The following HDAC9 variants were observed in gnomAD, a reference collection of about 807,000 sequenced individuals.
HDAC9 encodes histone deacetylase 9.
HDAC9 carries 41 observed loss-of-function variants against 139.4 expected under a neutral mutation model. The ratio of observed to expected loss-of-function variants is 0.29; its 90% CI spans 0.23 to 0.38. HDAC9 has a LOEUF of 0.38. Among genes scored for constraint, HDAC9 ranks in the 10% least tolerant of loss-of-function variants. The pLI is 1.00. For synonymous variants in HDAC9, 517 were observed against 476.2 expected (o/e 1.09, Z -1.12); for missense variants, 1,147 against 1,297.0 (o/e 0.88, Z 1.78).
At chr7:18,915,666 C>T (rs939228136) in intron 22 of HDAC9, among the ~76,000 whole-genome samples, 10 of 149,472 alleles carry the variant, frequency 6.7e-5, no homozygotes, top group East Asian at 5.9e-4. Context: ...AAAAAGCAGT[C>T]GGAACTTCAA....
intron 24 of HDAC9, among the ~76,000 whole-genome samples, chr7:18,974,674 T>C (rs190911336): frequency 6.6e-6 from 1 of 152,210 alleles, no homozygotes; most frequent in Non-Finnish European, 1.5e-5. Context: ...TGGGGAGACT[T>C]AGTATCCTCT....
intron 1 of HDAC9, among the ~76,000 whole-genome samples, chr7:18,117,747 C>T (rs1381685816): frequency 1.3e-5 from 2 of 152,080 alleles, no homozygotes; most frequent in African/African-American, 2.4e-5. Flanking sequence ...AGACTTCTGG[C>T]CTTGAGAACT....
In HDAC9 at chr7:18,635,360, C is replaced by A. The variant is rs188280038; in HGVS notation, c.912+618C>A. On this transcript the variant is annotated intron_variant, in intron 8 of 25. Coordinates refer to ENST00000686413, the MANE Select transcript of HDAC9 (RefSeq NM_178425.4). ...TTTTGAGCACCTGCTATATTCAAGTCATTTTGCCTCACAGTAGGGATATAA... is the reference window on the plus strand; with the variant it reads ...TTTTGAGCACCTGCTATATTCAAGTAATTTTGCCTCACAGTAGGGATATAA... Among the ~76,000 whole-genome samples, 214 of 152,074 alleles carry A rather than the reference C, an allele frequency of 1.4e-3. 1 individual carries two copies. Among genetic ancestry groups the A allele is most frequent in the Non-Finnish European group, 2.1e-3 (144 of 67,976 alleles).
intron 2 of HDAC9, among the ~76,000 whole-genome samples, chr7:18,502,094 T>C (rs1770262400): frequency 6.6e-6 from 1 of 152,124 alleles, no homozygotes; most frequent in African/African-American, 2.4e-5. Flanking sequence ...TTGTAGCAGT[T>C]CCAAGCATTA....
At chr7:18,330,688 A>G (rs575488553) in intron 1 of HDAC9, among the ~76,000 whole-genome samples, 56 of 151,752 alleles carry the variant, frequency 3.7e-4, no homozygotes, top group Admixed American at 3.0e-3. Context: ...CTTATAACAC[A>G]TGCCAAAATT....
At chr7:18,368,837 G>A (rs574673387) in intron 1 of HDAC9, among the ~76,000 whole-genome samples, 149 of 152,134 alleles carry the variant, frequency 9.8e-4, no homozygotes, top group African/African-American at 3.1e-3. Flanking sequence ...CCCTGAGAAG[G>A]AACAGGGGTT....
At chr7:18,955,615 T>G (rs562643982) in intron 24 of HDAC9, among the ~76,000 whole-genome samples, 22 of 152,226 alleles carry the variant, frequency 1.4e-4, no homozygotes, top group African/African-American at 4.6e-4. Flanking sequence ...ACAGAGGTTA[T>G]GAAGAGGAAT....
intron 22 of HDAC9, among the ~76,000 whole-genome samples, chr7:18,934,199 A>G (rs1056468813): frequency 3.9e-5 from 6 of 152,084 alleles, no homozygotes; most frequent in African/African-American, 7.2e-5. Context: ...TAAAAATTCA[A>G]TCAATACTAA....
At chr7:18,293,780 C>T (rs1176240455) in intron 1 of HDAC9, among the ~76,000 whole-genome samples, 2 of 152,008 alleles carry the variant, frequency 1.3e-5, no homozygotes, top group African/African-American at 4.8e-5. Flanking sequence ...GTTGGTCACC[C>T]ACGGGATTAC....
chr7:18,608,567 G>T (rs1261850784), intron 6 of HDAC9, among the ~76,000 whole-genome samples: 1 of 151,814 alleles, frequency 6.6e-6, no homozygotes, highest in African/African-American at 2.4e-5. Context: ...TCCCTTATCT[G>T]TATTCTCATA....
At chr7:18,176,706 C>CACAGG (rs1788934951) in intron 2 of HDAC9, among the ~76,000 whole-genome samples, 1 of 152,078 alleles carries the variant, frequency 6.6e-6, no homozygotes, top group Non-Finnish European at 1.5e-5. Context: ...TACAGGTAAA[C>CACAGG]TGTGTGTCAC....
intron 2 of HDAC9, among the ~76,000 whole-genome samples, chr7:18,231,276 G>T (rs1368491846): frequency 2.0e-5 from 3 of 152,180 alleles, no homozygotes; most frequent in Non-Finnish European, 2.9e-5. Context: ...TTTAAGCAGG[G>T]CTGCCATGTT....
At chr7:18,521,329 G>T (rs981871493) in intron 2 of HDAC9, among the ~76,000 whole-genome samples, 1 of 152,080 alleles carries the variant, frequency 6.6e-6, no homozygotes, top group African/African-American at 2.4e-5. Context: ...TTTTATGTTG[G>T]ATCCTATCTA....
chr7:18,604,574 T>A (rs2704281), intron 6 of HDAC9, among the ~76,000 whole-genome samples: 83,677 of 151,482 alleles, frequency 0.55, 25,885 homozygotes, highest in South Asian at 0.7. Context: ...TTTTTTTTTT[T>A]AATTTTTAGT....
Position 18,591,628 on chromosome 7 carries a change from C to T in HDAC9, c.528C>T (p.Pro176=). Residue 176 remains proline (P), a synonymous_variant, in exon 5 of 26, where the codon CCC becomes CCT. Coordinates refer to ENST00000686413, the MANE Select transcript of HDAC9 (RefSeq NM_178425.4). The part of the protein sequence containing the change: ...NGKNHSVSRH[P]KLWYTAAHHT... Reference sequence around the variant, plus strand: ...AAAATCATTCCGTGAGCCGCCATCCCAAGCTCTGGTACACGTATGTTCAGT... The same window carrying T: ...AAAATCATTCCGTGAGCCGCCATCCTAAGCTCTGGTACACGTATGTTCAGT... The T allele has an allele frequency of 6.2e-7, 1 of 1,613,348 alleles. No individual in the cohort carries two copies. The highest frequency in any genetic ancestry group is 8.5e-7 in the Non-Finnish European group (1 of 1,179,544).
chr7:18,951,323 A>T (rs1220371794), intron 23 of HDAC9, among the ~76,000 whole-genome samples: 3 of 152,026 alleles, frequency 2.0e-5, no homozygotes, highest in Non-Finnish European at 4.4e-5. Flanking sequence ...GTAGAAAAAT[A>T]AATTTCCCTG....
At chr7:18,943,138 CCTT>C (rs1257595890) in intron 23 of HDAC9, among the ~76,000 whole-genome samples, 1 of 151,972 alleles carries the variant, frequency 6.6e-6, no homozygotes, top group African/African-American at 2.4e-5. Context: ...GTGAGCCAAG[CCTT>C]CTTCATAACA....
chr7:18,365,170 G>A (rs1389797767), intron 1 of HDAC9, among the ~76,000 whole-genome samples: 1 of 152,066 alleles, frequency 6.6e-6, no homozygotes, highest in African/African-American at 2.4e-5. Flanking sequence ...GCTGTTTGCT[G>A]GGAGTAAGTA....
chr7:18,317,109 A>G, intron 1 of HDAC9, among the ~76,000 whole-genome samples: 1 of 141,386 alleles, frequency 7.1e-6, no homozygotes, highest in South Asian at 2.2e-4. Flanking sequence ...AAATAAATAA[A>G]TAAATAAATA....
Sources: gnomAD v4.1 joint callset for allele counts (sites outside exome capture counted in the v4.1 genomes callset) on GRCh38, gnomAD v4.1.1 for gene constraint, MANE v1.5 for transcripts, NCBI Gene and HGNC (gene_info 2026-07-23, HGNC 2026-07-21) for gene names.